The following TBK1 variants were observed in gnomAD, a reference collection of about 807,000 sequenced individuals.
TBK1 encodes the protein serine/threonine-protein kinase TBK1.
TBK1 carries 37 observed loss-of-function variants against 99.9 expected under a neutral mutation model. The ratio of observed to expected loss-of-function variants is 0.37; its 90% CI spans 0.28 to 0.49. The LOEUF (loss-of-function observed/expected upper bound fraction) is 0.49. Ranked by LOEUF, TBK1 falls within the 20% of genes least tolerant of loss-of-function variation. TBK1 has a pLI of 0.98. For missense variants in TBK1, 644 were observed against 872.5 expected (o/e 0.74, Z 3.30); for synonymous variants, 258 against 279.8 (o/e 0.92, Z 0.78).
At chr12:64,465,242 CAAA>C (rs57575805) in intron 4 of TBK1, among the ~76,000 whole-genome samples, 6 of 57,914 alleles carry the variant, frequency 1.0e-4, no homozygotes, top group African/African-American at 3.9e-4. Context: ...AAGACTATCT[CAAA>C]AAAAAAAAAA....
intron 6 of TBK1, among the ~76,000 whole-genome samples, chr12:64,478,170 TGA>T (rs759778873): frequency 1.4e-4 from 22 of 152,304 alleles, no homozygotes; most frequent in Non-Finnish European, 2.6e-4. Flanking sequence ...TTTGTTTTTT[TGA>T]GACAGTTTCA....
intron 12 of TBK1, 144 bp downstream of exon 12, chr12:64,488,732 G>A (rs949294574): frequency 4.1e-5 from 26 of 635,846 alleles, no homozygotes; most frequent in African/African-American, 5.8e-5. Context: ...GGTGGCTCAT[G>A]CCTGTAATCC....
chr12:64,475,633 G>A (rs2040704027), intron 6 of TBK1, among the ~76,000 whole-genome samples: 1 of 152,158 alleles, frequency 6.6e-6, no homozygotes, highest in African/African-American at 2.4e-5. Context: ...TTTTGTTTCT[G>A]CATTAGTTCA....
intron 11 of TBK1, among the ~76,000 whole-genome samples, chr12:64,486,729 T>G (rs977869022): frequency 9.9e-5 from 15 of 152,126 alleles, no homozygotes; most frequent in South Asian, 6.2e-4. Flanking sequence ...TTCACAACAT[T>G]GAGATATAAT....
intron 1 of TBK1, among the ~76,000 whole-genome samples, chr12:64,455,182 T>C (rs1428339942): frequency 6.6e-6 from 1 of 151,780 alleles, no homozygotes; most frequent in East Asian, 1.9e-4. Context: ...GACGGGGTTT[T>C]GCCGTGTTAG....
At chr12:64,474,425 T>A (rs1183326037) in intron 6 of TBK1, 35 bp downstream of exon 6, 1 of 1,575,922 alleles carries the variant, frequency 6.3e-7, no homozygotes, top group Admixed American at 1.8e-5. Flanking sequence ...CAGAGAAGCA[T>A]TTAAAAAATG....
chr12:64,477,112 G>T (rs2040721978), intron 6 of TBK1, among the ~76,000 whole-genome samples: 1 of 152,160 alleles, frequency 6.6e-6, no homozygotes, highest in South Asian at 2.1e-4. Flanking sequence ...GATGCCTTCA[G>T]CTTTGTTCTT....
chr12:64,467,404 A>G (rs1592358386), intron 5 of TBK1, among the ~76,000 whole-genome samples: 1 of 152,222 alleles, frequency 6.6e-6, no homozygotes. Context: ...TTTTTTATAT[A>G]TTCATTATAT....
At chr12:64,500,509 T>TA (rs1389513167) in intron 20 of TBK1, among the ~76,000 whole-genome samples, 4 of 152,132 alleles carry the variant, frequency 2.6e-5, no homozygotes, top group African/African-American at 9.7e-5. Flanking sequence ...TCATGGGTAT[T>TA]ACAGCCAAAA....
rs1276315824 is a variant in TBK1, at chr12:64,484,304, G to C, written c.994G>C (p.Ala332Pro). ...TCCTTTTGAATTTTTCTCACACAGT[G>C]CTACTATATTTCATGAACTGGTATA... ...HKIYIHSYNT[A>P]TIFHELVYKQ... The change falls in exon 9 of 21, where the codon GCT becomes CCT. Residue 332 changes from alanine (A) to proline (P), a missense_variant and splice_region_variant. Coordinates refer to ENST00000331710, the MANE Select transcript of TBK1 (RefSeq NM_013254.4). The C allele has an allele frequency of 6.2e-7, 1 of 1,603,600 alleles. No homozygotes were observed. The highest frequency in any genetic ancestry group is 8.5e-7 in the Non-Finnish European group (1 of 1,173,534).
intron 3 of TBK1, among the ~76,000 whole-genome samples, chr12:64,461,216 T>A (rs200587014): frequency 0.053 from 8,107 of 152,006 alleles, 325 homozygotes; most frequent in South Asian, 0.15. Flanking sequence ...AATCGAACTT[T>A]AAAAAAATAA....
chr12:64,460,327 G>T lies in TBK1; in HGVS notation c.226G>T (p.Glu76Ter). ...NIVKLFAIEE[E>*]TTTRHKVLIM... ...TGTCAAATTATTTGCTATTGAAGAG[G>T]AGGTAAGTAGTAAAACTTCAATCTT... Residue 76 changes from glutamate to a stop codon, truncating the protein, a stop_gained and splice_region_variant, in exon 3 of 21, where the codon GAG becomes TAG. Transcript: ENST00000331710. LOFTEE classifies it high-confidence loss of function. The T allele has an allele frequency of 6.5e-7, 1 of 1,544,286 alleles. No individual in the cohort carries two copies. The highest frequency in any genetic ancestry group is 8.8e-7 in the Non-Finnish European group (1 of 1,142,526).
At chr12:64,472,659 AT>A (rs11286924) in intron 5 of TBK1, among the ~76,000 whole-genome samples, 136,384 of 152,220 alleles carry the variant, frequency 0.9, 61,372 homozygotes, top group Admixed American at 0.94. Context: ...TGACTATGGT[AT>A]TAGTGCAGAG....
Position 64,494,736 on chromosome 12 carries a change from C to T in TBK1, c.1522-747C>T, listed in dbSNP as rs9788149. On this transcript the variant is annotated intron_variant, in intron 13 of 20. Transcript: ENST00000331710. ...GAAAAAATTGCATAACAGTAAGATA[C>T]TATTTTTGTCTTTCAGATTATCAAG... 0.018 allele frequency among the ~76,000 whole-genome samples: 2,707 copies of T among 152,228 alleles called. 189 individuals carry two copies. The East Asian group carries it at 0.22, about 12-fold the overall frequency.
chr12:64,488,418 G>C, intron 11 of TBK1, 69 bp from the exon 12 acceptor site: 1 of 862,764 alleles, frequency 1.2e-6, no homozygotes, highest in Non-Finnish European at 1.8e-6. Context: ...TAGTACTGCA[G>C]TATAATTAGT....
intron 12 of TBK1, among the ~76,000 whole-genome samples, chr12:64,489,735 A>AT (rs539156355): frequency 0.016 from 2,183 of 137,064 alleles, 49 homozygotes; most frequent in African/African-American, 0.049. Context: ...CGCCCGGCTT[A>AT]TTTTTTTTTT....
chr12:64,465,264 A>AAAAAG (rs1555202820), intron 4 of TBK1, among the ~76,000 whole-genome samples: 6 of 150,614 alleles, frequency 4.0e-5, no homozygotes, highest in African/African-American at 1.2e-4. Flanking sequence ...AAAAAAAAAA[A>AAAAAG]CAAGTGTTGG....
chr12:64,460,343 C>T lies in TBK1; in HGVS notation c.228+14C>T. ...ATTGAAGAGGAGGTAAGTAGTAAAA[C>T]TTCAATCTTATATTTATTGTAGTTA... On this transcript the variant is annotated intron_variant, in intron 3 of 20. Transcript: ENST00000331710. 6.6e-7 allele frequency: 1 copy of T among 1,520,614 alleles called. No homozygotes were observed. The highest frequency in any genetic ancestry group is 1.3e-5 in the South Asian group (1 of 78,712). The allele number at this position is 1,520,614 out of a possible 1,614,324, so 94.2% of individuals were successfully genotyped here.
At chr12:64,474,467 G>T in intron 6 of TBK1, 77 bp downstream of exon 6, 2 of 1,351,182 alleles carry the variant, frequency 1.5e-6, no homozygotes, top group Middle Eastern at 1.9e-4. Context: ...ATTGTTAGTG[G>T]TTTATGCTAA....
Sources: allele counts gnomAD v4.1 joint callset (sites outside exome capture counted in the v4.1 genomes callset), GRCh38; gene constraint gnomAD v4.1.1; transcripts MANE v1.5; gene names NCBI Gene and HGNC (gene_info 2026-07-23, HGNC 2026-07-21).